The following CEPT1 variants were observed in gnomAD, a reference collection of about 807,000 sequenced individuals.
The protein encoded by CEPT1 is choline/ethanolaminephosphotransferase 1.
CEPT1 carries 7 observed loss-of-function variants against 42.6 expected under a neutral mutation model. The ratio of observed to expected loss-of-function variants is 0.16; its 90% CI spans 0.09 to 0.31. The LOEUF (loss-of-function observed/expected upper bound fraction) is 0.31, where lower values mean the gene tolerates loss of function less well. Ranked by LOEUF, CEPT1 falls within the 10% of genes least tolerant of loss-of-function variation. CEPT1 has a pLI of 1.00. For synonymous variants in CEPT1, 171 were observed against 171.9 expected (o/e 0.99, Z 0.04); for missense variants, 306 against 502.1 (o/e 0.61, Z 3.73).
chr1:111,162,961 T>C (rs1236725408), intron 4 of CEPT1, among the ~76,000 whole-genome samples: 1 of 152,126 alleles, frequency 6.6e-6, no homozygotes, highest in African/African-American at 2.4e-5. Flanking sequence ...TGTATTTTTA[T>C]GAGAAAATTT....
chr1:111,144,904 T>C (rs1654869666), intron 1 of CEPT1, among the ~76,000 whole-genome samples: 2 of 152,244 alleles, frequency 1.3e-5, no homozygotes, highest in Admixed American at 1.3e-4. Context: ...TTTAATATTA[T>C]ATAAACATTA....
intron 2 of CEPT1, among the ~76,000 whole-genome samples, chr1:111,150,508 T>G (rs1362005041): frequency 6.6e-6 from 1 of 152,216 alleles, no homozygotes; most frequent in Non-Finnish European, 1.5e-5. Context: ...GAGAATTTCG[T>G]AAATTTTATC....
At position 111,147,776 on chromosome 1, in the gene CEPT1, G is replaced by T; in HGVS notation, c.62G>T (p.Gly21Val). ...CGDSHPESPVGFGHMSTTGCV... is the reference protein window; with the variant it reads ...CGDSHPESPVVFGHMSTTGCV... The stretch of plus-strand genomic sequence containing the variant: ...GATTCTCACCCGGAGTCCCCAGTGG[G>T]CTTCGGGCATATGAGTACTACAGGA... Residue 21 changes from glycine to valine, a missense_variant, in exon 2 of 9, where the codon GGC (glycine) becomes GTC (valine). By Grantham distance (109) the Gly-to-Val change is moderately radical (BLOSUM62 -3). This residue lies in a region of CEPT1 where 53 missense variants were observed against 54.8 expected (regional missense o/e 0.97). Transcript: ENST00000357172. 2 of 1,614,040 alleles carry T rather than the reference G, an allele frequency of 1.2e-6. No homozygotes were observed. The highest frequency in any genetic ancestry group is 1.7e-6 in the Non-Finnish European group (2 of 1,179,974).
At chr1:111,142,366 C>T (rs1482020959) in intron 1 of CEPT1, among the ~76,000 whole-genome samples, 1 of 152,120 alleles carries the variant, frequency 6.6e-6, no homozygotes, top group Admixed American at 6.5e-5. Context: ...TGAGACCCCA[C>T]CCTCCCCTTT....
intron 4 of CEPT1, among the ~76,000 whole-genome samples, chr1:111,168,391 A>G (rs1214652596): frequency 6.6e-6 from 1 of 151,948 alleles, no homozygotes; most frequent in Non-Finnish European, 1.5e-5. Context: ...AGTTTCCTAC[A>G]TTAGGTCGCC....
chr1:111,174,490 A>G (rs904005228), intron 4 of CEPT1, among the ~76,000 whole-genome samples: 1 of 152,102 alleles, frequency 6.6e-6, no homozygotes, highest in Non-Finnish European at 1.5e-5. Flanking sequence ...CTGATACTAC[A>G]AAGCACTTAT....
In CEPT1 at chr1:111,164,557, G is replaced by A. The variant is rs115450613; in HGVS notation, c.629+3261G>A. Among the ~76,000 whole-genome samples the A allele has an allele frequency of 4.3e-3, 652 of 152,210 alleles. 3 individuals are homozygous for A. Among genetic ancestry groups the A allele is most frequent in the Middle Eastern group, 6.8e-3 (2 of 292 alleles). ...GAATATCTCCCATTATACTGAATGG[G>A]AGAGTTCACATTTTCTCCCTTAAGA... On this transcript the variant is annotated intron_variant, in intron 4 of 8. Transcript: ENST00000357172.
At chr1:111,183,194 G>A (rs562669681) in intron 7 of CEPT1, among the ~76,000 whole-genome samples, 7 of 152,028 alleles carry the variant, frequency 4.6e-5, no homozygotes, top group Non-Finnish European at 1.0e-4. Context: ...TGTTTAATTT[G>A]GTTATTCAGT....
chr1:111,146,534 G>C (rs1189857852), intron 1 of CEPT1, among the ~76,000 whole-genome samples: 1 of 151,854 alleles, frequency 6.6e-6, no homozygotes, highest in East Asian at 1.9e-4. Flanking sequence ...ATTACTTATA[G>C]ATTTGACTGT....
At chr1:111,140,895 A>G (rs1317646176) in intron 1 of CEPT1, among the ~76,000 whole-genome samples, 1 of 152,256 alleles carries the variant, frequency 6.6e-6, no homozygotes, top group African/African-American at 2.4e-5. Context: ...GCATTCTTGC[A>G]AGGAGAAATA....
intron 2 of CEPT1, among the ~76,000 whole-genome samples, chr1:111,156,838 G>A (rs1655599824): frequency 6.6e-6 from 1 of 152,248 alleles, no homozygotes; most frequent in Middle Eastern, 3.4e-3. Context: ...CAAAAGTTTA[G>A]TAAAACCATA....
At chr1:111,146,633 C>A (rs888610372) in intron 1 of CEPT1, among the ~76,000 whole-genome samples, 11 of 152,066 alleles carry the variant, frequency 7.2e-5, no homozygotes, top group African/African-American at 2.7e-4. Context: ...TTTAATTGTT[C>A]TATTTTCTCC....
At chr1:111,143,472 A>G (rs1340233547) in intron 1 of CEPT1, 1 of 152,068 alleles carries the variant, frequency 6.6e-6, no homozygotes, top group Non-Finnish European at 1.5e-5. Context: ...TTCTTTTCCC[A>G]CTGGACATAG....
intron 4 of CEPT1, among the ~76,000 whole-genome samples, chr1:111,169,519 A>G (rs1043687817): frequency 1.5e-4 from 23 of 152,314 alleles, no homozygotes; most frequent in East Asian, 5.8e-4. Flanking sequence ...TTCTATTAAA[A>G]TGTTTCTAAA....
At chr1:111,159,584 A>G (rs765099509) in intron 3 of CEPT1, 57 bp downstream of exon 3, 9 of 1,397,082 alleles carry the variant, frequency 6.4e-6, no homozygotes, top group South Asian at 1.3e-5. Flanking sequence ...CCAGTGTGCT[A>G]AGCAGTGTTA....
chr1:111,160,923 C>T (rs1004905821), intron 3 of CEPT1: 15 of 524,758 alleles, frequency 2.9e-5, no homozygotes, highest in African/African-American at 2.1e-4. Context: ...TAGTTGCCTT[C>T]AAGAACTTTG....
chr1:111,147,720 T>G lies in CEPT1; in HGVS notation c.6T>G (p.Ser2Arg). 2 of 1,601,764 alleles carry G rather than the reference T, an allele frequency of 1.2e-6. No homozygotes were observed. The highest frequency in any genetic ancestry group is 1.7e-5 in the Admixed American group (1 of 58,898). ...ATTAAAAAAAAACAAGATCCATGAG[T>G]GGGCATCGATCAACAAGGAAAAGAT... M[S>R]GHRSTRKRCG... is the part of the protein sequence containing the mutation. The change falls in exon 2 of 9, where the codon AGT becomes AGG. Residue 2 changes from serine to arginine, a missense_variant. This residue lies in a region of CEPT1 where 53 missense variants were observed against 54.8 expected (regional missense o/e 0.97). Coordinates refer to ENST00000357172, the MANE Select transcript of CEPT1 (RefSeq NM_006090.5).
rs1416292781 is a variant in CEPT1, at chr1:111,185,026, A to G, written c.*716A>G. 6.6e-6 allele frequency: 1 copy of G among 152,510 alleles called. No homozygotes were observed. Among genetic ancestry groups the G allele is most frequent in the Non-Finnish European group, 1.5e-5 (1 of 68,000 alleles). The allele number at this position is 152,510 out of a possible 1,614,324, so 9.4% of individuals were successfully genotyped here. On this transcript the variant is annotated 3_prime_UTR_variant, in exon 9 of 9. Coordinates refer to ENST00000357172, the MANE Select transcript of CEPT1 (RefSeq NM_006090.5). Reference sequence around the variant, plus strand: ...GTTTTACTCAGTGGAAAGATAAACTAAGTTTTAATGTTATTTTTTTAAATT... The same window carrying G: ...GTTTTACTCAGTGGAAAGATAAACTGAGTTTTAATGTTATTTTTTTAAATT...
At chr1:111,158,850 T>C (rs1477363065) in intron 2 of CEPT1, among the ~76,000 whole-genome samples, 1 of 151,330 alleles carries the variant, frequency 6.6e-6, no homozygotes, top group Non-Finnish European at 1.5e-5. Flanking sequence ...AGTTGTTATC[T>C]AGCATCTGCC....
Sources: allele counts gnomAD v4.1 joint callset (sites outside exome capture counted in the v4.1 genomes callset), GRCh38; gene constraint gnomAD v4.1.1; regional missense constraint gnomAD v4.1.1; transcripts MANE v1.5; gene names NCBI Gene and HGNC (gene_info 2026-07-23, HGNC 2026-07-21).